LAMA2: variants seen among roughly 807,000 people sequenced by gnomAD.
LAMA2 encodes the protein laminin subunit alpha 2, also known as laminin subunit alpha-2.
LAMA2 carries 269 observed loss-of-function variants against 364.8 expected under a neutral mutation model. The ratio of observed to expected loss-of-function variants is 0.74; its 90% CI spans 0.67 to 0.82. The LOEUF is 0.82. Ranked by LOEUF, LAMA2 falls within the 40% of genes least tolerant of loss-of-function variation. The pLI is 0.00. For synonymous variants in LAMA2, 1,379 were observed against 1,370.6 expected (o/e 1.01, Z -0.14); for missense variants, 3,807 against 3,873.2 (o/e 0.98, Z 0.45).
intron 34 of LAMA2, among the ~76,000 whole-genome samples, chr6:129,381,279 T>C (rs2114650160): frequency 6.6e-6 from 1 of 152,248 alleles, no homozygotes; most frequent in East Asian, 1.9e-4. Context: ...ACCATAAAGT[T>C]CAGTCAAGTC....
chr6:129,217,790 A>G (rs1214708295), intron 12 of LAMA2, among the ~76,000 whole-genome samples: 2 of 152,212 alleles, frequency 1.3e-5, no homozygotes, highest in African/African-American at 4.8e-5. Context: ...TCTACTGTGG[A>G]TAGTCATTCA....
chr6:129,424,680 G>A (rs554842349), intron 40 of LAMA2, among the ~76,000 whole-genome samples: 1 of 152,146 alleles, frequency 6.6e-6, no homozygotes, highest in East Asian at 1.9e-4. Flanking sequence ...CAGTTAGAAT[G>A]TCTAAAATTT....
chr6:129,451,289 T>TC (rs1782662214), intron 45 of LAMA2, among the ~76,000 whole-genome samples: 2 of 152,086 alleles, frequency 1.3e-5, no homozygotes, highest in African/African-American at 4.8e-5. Context: ...GGAACTAACT[T>TC]CCCAACTGAA....
chr6:128,937,061 G>A (rs75746325), intron 1 of LAMA2, among the ~76,000 whole-genome samples: 4,312 of 152,186 alleles, frequency 0.028, 175 homozygotes, highest in African/African-American at 0.09. Flanking sequence ...CTTATGAATT[G>A]TTTTTCTGAA....
At chr6:128,943,150 G>T (rs1357400998) in intron 1 of LAMA2, among the ~76,000 whole-genome samples, 1 of 152,038 alleles carries the variant, frequency 6.6e-6, no homozygotes, top group Non-Finnish European at 1.5e-5. Flanking sequence ...TTTTCTTTGT[G>T]GTCTTGTGTG....
chr6:128,913,426 C>T (rs1047709310), intron 1 of LAMA2, among the ~76,000 whole-genome samples: 8 of 152,220 alleles, frequency 5.3e-5, no homozygotes, highest in Admixed American at 4.6e-4. Flanking sequence ...ACTAACTCCT[C>T]AGGCTTCTGG....
At chr6:129,362,286 T>C (rs981863808) in intron 32 of LAMA2, among the ~76,000 whole-genome samples, 2 of 152,210 alleles carry the variant, frequency 1.3e-5, no homozygotes, top group African/African-American at 4.8e-5. Flanking sequence ...AATCACAAGA[T>C]AGTTCTCTTT....
At chr6:129,170,885 T>C (rs1361691310) in intron 9 of LAMA2, among the ~76,000 whole-genome samples, 2 of 150,222 alleles carry the variant, frequency 1.3e-5, no homozygotes, top group African/African-American at 4.9e-5. Flanking sequence ...ATATTTAGGA[T>C]AGTTAGCTCT....
At chr6:128,919,446 C>T (rs576029693) in intron 1 of LAMA2, among the ~76,000 whole-genome samples, 1 of 152,278 alleles carries the variant, frequency 6.6e-6, no homozygotes, top group East Asian at 1.9e-4. Flanking sequence ...CAAATCAATC[C>T]TAGTTCCTTA....
intron 3 of LAMA2, among the ~76,000 whole-genome samples, chr6:129,073,571 C>T (rs1273181011): frequency 6.6e-6 from 1 of 152,108 alleles, no homozygotes; most frequent in Non-Finnish European, 1.5e-5. Context: ...GTCTTCTCTT[C>T]TTTTGAGGTT....
At chr6:129,477,997 C>T (rs1784158323) in intron 53 of LAMA2, among the ~76,000 whole-genome samples, 1 of 87,680 alleles carries the variant, frequency 1.1e-5, no homozygotes, top group African/African-American at 3.1e-5. Context: ...TCTGTTGCCT[C>T]AGGCTGGTCT....
intron 53 of LAMA2, among the ~76,000 whole-genome samples, chr6:129,477,276 G>T (rs1027171220): frequency 2.0e-5 from 3 of 150,338 alleles, no homozygotes; most frequent in African/African-American, 7.5e-5. Context: ...GCCACATGTG[G>T]CTAGTAACTA....
At chr6:129,275,211 A>G (rs1788219452) in intron 17 of LAMA2, among the ~76,000 whole-genome samples, 1 of 152,034 alleles carries the variant, frequency 6.6e-6, no homozygotes, top group African/African-American at 2.4e-5. Flanking sequence ...CAATTCAGCC[A>G]TATTCTCTAG....
Position 129,460,243 on chromosome 6 carries a change from G to A in LAMA2, c.6911G>A (p.Gly2304Glu). ...VRVITFTGCMGETYFDNKPIG... is the reference protein window; with the variant it reads ...VRVITFTGCMEETYFDNKPIG... Reference sequence around the variant, plus strand: ...GTGATTACATTCACTGGCTGCATGGGAGAAACATACTTTGACAACAAACCT... The same window carrying A: ...GTGATTACATTCACTGGCTGCATGGAAGAAACATACTTTGACAACAAACCT... Residue 2304 changes from glycine (G) to glutamate (E), a missense_variant, in exon 49 of 65, where the codon GGA becomes GAA. Physicochemically the swap from Gly to Glu is moderately conservative, Grantham distance 98 (BLOSUM62 -2). This residue lies in a region of LAMA2 where 3,333 missense variants were observed against 3,345.7 expected (regional missense o/e 1.00). Coordinates refer to ENST00000421865, the MANE Select transcript of LAMA2 (RefSeq NM_000426.4). 1 of 1,612,014 alleles carries A rather than the reference G, an allele frequency of 6.2e-7. No individual in the cohort carries two copies. The highest frequency in any genetic ancestry group is 8.5e-7 in the Non-Finnish European group (1 of 1,178,510).
intron 1 of LAMA2, among the ~76,000 whole-genome samples, chr6:129,030,096 C>G (rs552682203): frequency 1.3e-5 from 2 of 152,134 alleles, no homozygotes; most frequent in East Asian, 1.9e-4. Flanking sequence ...AAAGATTGGC[C>G]GAATCTTATT....
At chr6:128,961,891 CCTAA>C (rs1410739677) in intron 1 of LAMA2, among the ~76,000 whole-genome samples, 1 of 151,526 alleles carries the variant, frequency 6.6e-6, no homozygotes, top group South Asian at 2.1e-4. Context: ...GATCTGGATA[CCTAA>C]CTAAGATTTT....
intron 40 of LAMA2, among the ~76,000 whole-genome samples, chr6:129,418,848 C>T (rs918694584): frequency 4.6e-5 from 7 of 152,030 alleles, no homozygotes; most frequent in African/African-American, 1.7e-4. Flanking sequence ...AAGTTTATAA[C>T]TTAATTTTCA....
chr6:128,945,234 C>T (rs540931372), intron 1 of LAMA2, among the ~76,000 whole-genome samples: 2 of 152,290 alleles, frequency 1.3e-5, no homozygotes, highest in East Asian at 3.9e-4. Flanking sequence ...TTTAATTATG[C>T]CTTTTTCCTC....
At chr6:128,963,850 C>CATCT (rs1277926130) in intron 1 of LAMA2, among the ~76,000 whole-genome samples, 1 of 152,004 alleles carries the variant, frequency 6.6e-6, no homozygotes, top group Non-Finnish European at 1.5e-5. Flanking sequence ...AGAAATTAAT[C>CATCT]ATCTGAATAG....
Sources: gnomAD v4.1 joint callset for allele counts (sites outside exome capture counted in the v4.1 genomes callset) on GRCh38, gnomAD v4.1.1 for gene constraint, gnomAD v4.1.1 regional missense constraint, MANE v1.5 for transcripts, NCBI Gene and HGNC (gene_info 2026-07-23, HGNC 2026-07-21) for gene names.